Variants in ADAM32 observed in about 807,000 individuals in gnomAD.
The protein encoded by ADAM32 is disintegrin and metalloproteinase domain-containing protein 32.
Under a neutral mutation model 114.9 loss-of-function variants are expected in ADAM32, and 89 were observed. The ratio of observed to expected loss-of-function variants is 0.77; its 90% CI spans 0.65 to 0.92. ADAM32 has a LOEUF of 0.92. Ranked by LOEUF, ADAM32 falls within the 40% of genes least tolerant of loss-of-function variation. ADAM32 has a pLI of 0.00. For synonymous variants in ADAM32, 285 were observed against 307.5 expected (o/e 0.93, Z 0.77); for missense variants, 870 against 932.8 (o/e 0.93, Z 0.88).
At chr8:39,206,606 G>C (rs1022994986) in intron 11 of ADAM32, among the ~76,000 whole-genome samples, 7 of 152,330 alleles carry the variant, frequency 4.6e-5, no homozygotes, top group African/African-American at 1.7e-4. Flanking sequence ...AAGCTTTCAA[G>C]CTCTGGGGAG....
chr8:39,167,808 A>C (rs1804939044), intron 9 of ADAM32: 1 of 152,108 alleles, frequency 6.6e-6, no homozygotes. Flanking sequence ...CTATTGTGAA[A>C]GGGGTTGAGT....
chr8:39,112,581 C>T (rs1412709892), intron 1 of ADAM32, among the ~76,000 whole-genome samples: 2 of 152,204 alleles, frequency 1.3e-5, no homozygotes, highest in Non-Finnish European at 2.9e-5. Flanking sequence ...TTGTAATCCA[C>T]ACTGTGGTGC....
At chr8:39,124,809 C>T (rs1253020383) in intron 2 of ADAM32, among the ~76,000 whole-genome samples, 2 of 152,154 alleles carry the variant, frequency 1.3e-5, no homozygotes, top group Non-Finnish European at 2.9e-5. Context: ...AATAAACATA[C>T]ATGTGTATGT....
At chr8:39,132,748 A>G (rs1802539253) in intron 2 of ADAM32, among the ~76,000 whole-genome samples, 1 of 135,444 alleles carries the variant, frequency 7.4e-6, no homozygotes, top group Non-Finnish European at 1.7e-5. Flanking sequence ...TTGTTAGTTG[A>G]CAGATTTTTT....
At chr8:39,275,002 T>C (rs749537718) in intron 21 of ADAM32, among the ~76,000 whole-genome samples, 1 of 152,340 alleles carries the variant, frequency 6.6e-6, no homozygotes, top group Non-Finnish European at 1.5e-5. Flanking sequence ...TGTGTGATGA[T>C]TTTTCCATCC....
At chr8:39,201,052 T>C (rs1355443708) in intron 11 of ADAM32, among the ~76,000 whole-genome samples, 1 of 152,218 alleles carries the variant, frequency 6.6e-6, no homozygotes, top group Non-Finnish European at 1.5e-5. Flanking sequence ...TGAAGTCAGG[T>C]AGCGTGATGC....
chr8:39,177,274 T>C (rs917747540), intron 10 of ADAM32, among the ~76,000 whole-genome samples: 1 of 152,212 alleles, frequency 6.6e-6, no homozygotes, highest in Non-Finnish European at 1.5e-5. Flanking sequence ...TTGGCCAGGC[T>C]GGTCTTGAAC....
chr8:39,272,101 GAAAA>G (rs11366445), intron 20 of ADAM32, among the ~76,000 whole-genome samples: 2 of 65,800 alleles, frequency 3.0e-5, no homozygotes, highest in African/African-American at 6.0e-5. Flanking sequence ...GTGAGCTCCA[GAAAA>G]AAAAAAAAAA....
chr8:39,107,842 GCC>G lies in ADAM32; in HGVS notation c.58+11_58+12del. 1.9e-6 allele frequency: 3 copies of G among 1,538,764 alleles called. No individual in the cohort carries two copies. Among genetic ancestry groups the G allele is most frequent in the Non-Finnish European group, 2.6e-6 (3 of 1,141,452 alleles). On this transcript the variant is annotated intron_variant, in intron 1 of 24. Coordinates refer to ENST00000379907, the MANE Select transcript of ADAM32 (RefSeq NM_145004.7). Reference sequence around the variant, plus strand: ...CCTGGCGTCAAGACCCGGTGAGCCAGCCCAGACCCTGACACTAGTCCGGGCGC... The same window carrying G: ...CCTGGCGTCAAGACCCGGTGAGCCAGCAGACCCTGACACTAGTCCGGGCGC...
intron 2 of ADAM32, among the ~76,000 whole-genome samples, chr8:39,120,761 C>CAAAAA (rs748561734): frequency 9.1e-5 from 9 of 99,418 alleles, no homozygotes; most frequent in Non-Finnish European, 1.2e-4. Flanking sequence ...GACTCCGTCT[C>CAAAAA]AAAAAAAAAA....
intron 14 of ADAM32, among the ~76,000 whole-genome samples, chr8:39,225,499 G>C (rs1809299731): frequency 6.6e-6 from 1 of 152,160 alleles, no homozygotes; most frequent in Non-Finnish European, 1.5e-5. Context: ...ATCAGTGAGG[G>C]AATGCCCTCA....
At chr8:39,271,549 A>C (rs1812731222) in intron 20 of ADAM32, among the ~76,000 whole-genome samples, 1 of 152,144 alleles carries the variant, frequency 6.6e-6, no homozygotes, top group Non-Finnish European at 1.5e-5. Context: ...CAAAAAAAAA[A>C]AAATGCTTAG....
intron 24 of ADAM32, 53 bp downstream of exon 24, chr8:39,283,677 TAA>T: frequency 1.4e-6 from 2 of 1,422,618 alleles, no homozygotes; most frequent in Admixed American, 1.8e-5. Context: ...AAAATTAAAA[TAA>T]AACTCATAAT....
intron 16 of ADAM32, 95 bp downstream of exon 16, chr8:39,234,177 G>T: frequency 1.1e-6 from 1 of 937,888 alleles, no homozygotes; most frequent in Non-Finnish European, 1.4e-6. Flanking sequence ...GCTAGTATTA[G>T]GTAATCTTAA....
chr8:39,155,250 T>G (rs1015844940), intron 6 of ADAM32, among the ~76,000 whole-genome samples: 5 of 152,162 alleles, frequency 3.3e-5, no homozygotes, highest in Non-Finnish European at 7.4e-5. Flanking sequence ...GAGAAAGAAA[T>G]AAAGGATATT....
chr8:39,237,529 G>C (rs1810255364), intron 16 of ADAM32, among the ~76,000 whole-genome samples: 1 of 150,904 alleles, frequency 6.6e-6, no homozygotes, highest in African/African-American at 2.4e-5. Flanking sequence ...GGGCTGTGTT[G>C]GCTGCTTGGG....
intron 22 of ADAM32, chr8:39,276,150 A>C: frequency 3.1e-6 from 1 of 319,864 alleles, no homozygotes; most frequent in African/African-American, 2.1e-5. Flanking sequence ...GCTAATTCAT[A>C]AAAAGGATCT....
intron 11 of ADAM32, among the ~76,000 whole-genome samples, chr8:39,208,760 G>C (rs1450812962): frequency 6.6e-6 from 1 of 152,196 alleles, no homozygotes; most frequent in Non-Finnish European, 1.5e-5. Flanking sequence ...TCTGCTGCCA[G>C]ATGTACTGGC....
At chr8:39,206,103 G>A (rs182663975) in intron 11 of ADAM32, among the ~76,000 whole-genome samples, 1 of 152,148 alleles carries the variant, frequency 6.6e-6, no homozygotes, top group Non-Finnish European at 1.5e-5. Flanking sequence ...CTTATTTATT[G>A]GTGAGCACAG....
Sources: allele counts gnomAD v4.1 joint callset (sites outside exome capture counted in the v4.1 genomes callset), GRCh38; gene constraint gnomAD v4.1.1; transcripts MANE v1.5; gene names NCBI Gene and HGNC (gene_info 2026-07-23, HGNC 2026-07-21).